Variants in ZBTB44 observed in about 807,000 individuals in gnomAD.
ZBTB44 encodes zinc finger and BTB domain-containing protein 44.
In ZBTB44, 15 loss-of-function variants were observed where a neutral mutation model predicts 54.0. The ratio of observed to expected loss-of-function variants is 0.28; its 90% CI spans 0.19 to 0.43. The LOEUF is 0.43. ZBTB44 is among the 20% of genes least tolerant of loss of function. ZBTB44 has a pLI of 1.00. For missense variants in ZBTB44, 487 were observed against 707.1 expected (o/e 0.69, Z 3.53); for synonymous variants, 230 against 250.1 (o/e 0.92, Z 0.76).
At chr11:130,242,988 C>G (rs918373622) in intron 2 of ZBTB44, among the ~76,000 whole-genome samples, 21 of 152,192 alleles carry the variant, frequency 1.4e-4, no homozygotes, top group African/African-American at 5.1e-4. Context: ...TAATTCTCTT[C>G]TGTTGAGTGC....
At chr11:130,309,008 A>G (rs571804211) in intron 1 of ZBTB44, among the ~76,000 whole-genome samples, 1 of 152,338 alleles carries the variant, frequency 6.6e-6, no homozygotes, top group African/African-American at 2.4e-5. Flanking sequence ...ATAACTCACA[A>G]GCTTTCTGCA....
chr11:130,306,090 T>A (rs1942250301), intron 1 of ZBTB44, among the ~76,000 whole-genome samples: 1 of 152,130 alleles, frequency 6.6e-6, no homozygotes, highest in Non-Finnish European at 1.5e-5. Flanking sequence ...GGCTATAATT[T>A]AAAAATTAAA....
chr11:130,302,561 CA>C (rs1942043175), intron 1 of ZBTB44, among the ~76,000 whole-genome samples: 1 of 151,980 alleles, frequency 6.6e-6, no homozygotes, highest in African/African-American at 2.4e-5. Context: ...AGGTCCAAAG[CA>C]GAAAGTAAGA....
At chr11:130,266,080 C>T (rs182998132) in intron 1 of ZBTB44, among the ~76,000 whole-genome samples, 1 of 152,310 alleles carries the variant, frequency 6.6e-6, no homozygotes, top group Admixed American at 6.5e-5. Context: ...TTCAAAACTT[C>T]AAAGGACGGG....
At chr11:130,284,689 A>G (rs1441898488) in intron 1 of ZBTB44, among the ~76,000 whole-genome samples, 4 of 152,126 alleles carry the variant, frequency 2.6e-5, no homozygotes. Flanking sequence ...CAACATGGAG[A>G]AACACCGTCT....
intron 1 of ZBTB44, chr11:130,285,200 T>A (rs1179860311): frequency 6.0e-6 from 1 of 167,558 alleles, no homozygotes. Context: ...GAGTTTTTGG[T>A]TTTCATAAAA....
intron 2 of ZBTB44, among the ~76,000 whole-genome samples, chr11:130,242,833 A>G (rs572032206): frequency 6.6e-6 from 1 of 151,792 alleles, no homozygotes; most frequent in South Asian, 2.1e-4. Context: ...TTCTCAGCCA[A>G]CCTCTCCTCT....
intron 1 of ZBTB44, among the ~76,000 whole-genome samples, chr11:130,286,992 T>A (rs1158597646): frequency 6.6e-6 from 1 of 152,216 alleles, no homozygotes; most frequent in Admixed American, 6.5e-5. Context: ...GCAATATCCC[T>A]CTGAATGTCA....
intron 1 of ZBTB44, among the ~76,000 whole-genome samples, chr11:130,274,934 G>A (rs1421905499): frequency 6.6e-6 from 1 of 152,074 alleles, no homozygotes; most frequent in Admixed American, 6.6e-5. Context: ...GTAAAGAATC[G>A]GTATTAGTTC....
chr11:130,281,845 T>C (rs1181929670), intron 1 of ZBTB44, among the ~76,000 whole-genome samples: 1 of 152,192 alleles, frequency 6.6e-6, no homozygotes, highest in Admixed American at 6.5e-5. Context: ...GGCCTCGTGA[T>C]CCGCCCGCCT....
At chr11:130,265,319 C>A (rs1939174387) in intron 1 of ZBTB44, among the ~76,000 whole-genome samples, 1 of 152,106 alleles carries the variant, frequency 6.6e-6, no homozygotes, top group Non-Finnish European at 1.5e-5. Flanking sequence ...CTCCACCTCC[C>A]AGATTCAAGC....
intron 1 of ZBTB44, among the ~76,000 whole-genome samples, chr11:130,301,422 G>A: frequency 6.6e-6 from 1 of 152,202 alleles, no homozygotes; most frequent in Admixed American, 6.5e-5. Flanking sequence ...GGGAGGCCAA[G>A]GCAAGCAGAT....
chr11:130,308,175 T>C (rs1409285307), intron 1 of ZBTB44, among the ~76,000 whole-genome samples: 1 of 152,222 alleles, frequency 6.6e-6, no homozygotes, highest in East Asian at 1.9e-4. Context: ...CTATACCATA[T>C]AACCTAGATG....
At chr11:130,269,472 T>C (rs947334426) in intron 1 of ZBTB44, among the ~76,000 whole-genome samples, 11 of 152,226 alleles carry the variant, frequency 7.2e-5, no homozygotes, top group Admixed American at 7.2e-4. Flanking sequence ...AGTTTGCAAT[T>C]TGAACTATTC....
At chr11:130,287,292 A>G (rs1042828625) in intron 1 of ZBTB44, among the ~76,000 whole-genome samples, 1 of 152,122 alleles carries the variant, frequency 6.6e-6, no homozygotes, top group Non-Finnish European at 1.5e-5. Flanking sequence ...AAAATTACAG[A>G]TACTCCCCAC....
At chr11:130,293,267 G>C (rs1379621595) in intron 1 of ZBTB44, among the ~76,000 whole-genome samples, 2 of 149,074 alleles carry the variant, frequency 1.3e-5, no homozygotes, top group East Asian at 3.9e-4. Flanking sequence ...TTCAAGACCA[G>C]CCTGGGCAAC....
At chr11:130,272,425 T>C (rs1281876989) in intron 1 of ZBTB44, among the ~76,000 whole-genome samples, 1 of 152,222 alleles carries the variant, frequency 6.6e-6, no homozygotes, top group Non-Finnish European at 1.5e-5. Context: ...TCCTTGTCCA[T>C]TTGGAGCTCT....
intron 1 of ZBTB44, among the ~76,000 whole-genome samples, chr11:130,267,178 T>A (rs1380793169): frequency 1.3e-5 from 2 of 152,080 alleles, no homozygotes; most frequent in East Asian, 3.9e-4. Context: ...ACTGGAGGAC[T>A]GCATGAGCTT....
In ZBTB44 at chr11:130,305,865, T is replaced by C. The variant is rs1210634175; in HGVS notation, c.-57+8510A>G. ...GTATGCATCCAACAAAGGACTAATA[T>C]CCAGAATCTACAAGGAATACAAACA... On this transcript the variant is annotated intron_variant, in intron 1 of 7. Coordinates refer to ENST00000357899, the MANE Select transcript of ZBTB44 (RefSeq NM_001301098.2). Among the ~76,000 whole-genome samples the C allele has an allele frequency of 3.3e-5, 5 of 151,726 alleles. No individual in the cohort carries two copies. In the East Asian group the frequency reaches 5.8e-4, roughly 18 times the overall value.
Sources: gnomAD v4.1 joint callset for allele counts (sites outside exome capture counted in the v4.1 genomes callset) on GRCh38, gnomAD v4.1.1 for gene constraint, MANE v1.5 for transcripts, NCBI Gene and HGNC (gene_info 2026-07-23, HGNC 2026-07-21) for gene names.